ANO2: variants seen among roughly 807,000 people sequenced by gnomAD.
ANO2 encodes anoctamin 2.
Under a neutral mutation model 124.2 loss-of-function variants are expected in ANO2, and 101 were observed. The observed-to-expected ratio is 0.81, with a 90% CI of 0.69 to 0.96. The LOEUF (loss-of-function observed/expected upper bound fraction) is 0.96, where lower values mean the gene tolerates loss of function less well. ANO2 is among the 40% of genes least tolerant of loss of function. The pLI, the probability that ANO2 is intolerant of heterozygous loss-of-function variation, is 0.00. For missense variants in ANO2, 1,293 were observed against 1,274.5 expected, an observed-to-expected ratio of 1.01 and a Z score of -0.22; for synonymous variants, 486 against 482.5, an observed-to-expected ratio of 1.01 and a Z score of -0.09.
intron 3 of ANO2, among the ~76,000 whole-genome samples, chr12:5,892,328 G>C (rs1378558127): frequency 6.6e-6 from 1 of 152,168 alleles, no homozygotes; most frequent in Non-Finnish European, 1.5e-5. Flanking sequence ...TGAAGCTCCA[G>C]AAGGTCAGAA....
chr12:5,895,871 G>A (rs552832576), intron 3 of ANO2, among the ~76,000 whole-genome samples: 2 of 152,130 alleles, frequency 1.3e-5, no homozygotes, highest in East Asian at 3.9e-4. Flanking sequence ...CAACTGCAAA[G>A]ATGGAGCCAA....
chr12:5,606,529 G>A (rs1944229415), intron 19 of ANO2, among the ~76,000 whole-genome samples: 1 of 152,194 alleles, frequency 6.6e-6, no homozygotes, highest in South Asian at 2.1e-4. Context: ...TCCTATTTAT[G>A]GAAACTGATG....
chr12:5,762,817 T>C (rs937744170), intron 10 of ANO2, among the ~76,000 whole-genome samples: 1 of 149,208 alleles, frequency 6.7e-6, no homozygotes, highest in African/African-American at 2.5e-5. Context: ...TCTTGGAGTA[T>C]TGATAAGAGA....
At chr12:5,676,537 A>C (rs1205308153) in intron 14 of ANO2, among the ~76,000 whole-genome samples, 1 of 152,216 alleles carries the variant, frequency 6.6e-6, no homozygotes, top group African/African-American at 2.4e-5. Flanking sequence ...CCAAAATGTT[A>C]ACGGTGGTCA....
intron 3 of ANO2, among the ~76,000 whole-genome samples, chr12:5,872,761 G>A (rs998863999): frequency 2.0e-5 from 3 of 152,074 alleles, no homozygotes; most frequent in Non-Finnish European, 4.4e-5. Context: ...CCACGGTTCC[G>A]GGAGGAGACA....
intron 7 of ANO2, among the ~76,000 whole-genome samples, chr12:5,818,488 T>TGG: frequency 1.9e-5 from 2 of 104,426 alleles, no homozygotes; most frequent in African/African-American, 7.3e-5. Flanking sequence ...TATATATATA[T>TGG]ATATATGGAT....
intron 12 of ANO2, among the ~76,000 whole-genome samples, chr12:5,742,227 A>G (rs1057415810): frequency 6.6e-6 from 1 of 152,134 alleles, no homozygotes; most frequent in Non-Finnish European, 1.5e-5. Context: ...AACCAGGCCC[A>G]CCCAGCACAG....
intron 10 of ANO2, among the ~76,000 whole-genome samples, chr12:5,768,816 C>T (rs1951979015): frequency 1.3e-5 from 2 of 152,318 alleles, no homozygotes; most frequent in Non-Finnish European, 2.9e-5. Flanking sequence ...CCAGCAGACA[C>T]AGTAGCCACT....
chr12:5,622,797 C>T (rs1945180673), intron 16 of ANO2, among the ~76,000 whole-genome samples: 1 of 151,974 alleles, frequency 6.6e-6, no homozygotes, highest in Non-Finnish European at 1.5e-5. Context: ...AACTCTGTCT[C>T]TACTACAAAT....
At chr12:5,794,837 T>A in intron 10 of ANO2, among the ~76,000 whole-genome samples, 1 of 152,138 alleles carries the variant, frequency 6.6e-6, no homozygotes, top group Non-Finnish European at 1.5e-5. Flanking sequence ...CCTTTCTCAA[T>A]CCCAAAGAAA....
At chr12:5,803,333 G>T (rs1460854838) in intron 9 of ANO2, among the ~76,000 whole-genome samples, 2 of 152,200 alleles carry the variant, frequency 1.3e-5, no homozygotes, top group Admixed American at 1.3e-4. Context: ...AAGAAGAAAA[G>T]TGCCTTTCTT....
rs796860779 is a variant in ANO2 at position 5,923,097 on chromosome 12, C to T, written c.23-293G>A. Among the ~76,000 whole-genome samples, 118 of 56,780 alleles carry T rather than the reference C, an allele frequency of 2.1e-3. 15 individuals are homozygous for T. The highest frequency in any genetic ancestry group is 0.012 in the Middle Eastern group (1 of 84). 37.2% of individuals were successfully genotyped at this position (56,780 alleles called of 152,430 possible). ...ATGCACACATACACACACACACGCA[C>T]ACACATACACACACATGCACGCACA... On this transcript the variant is annotated intron_variant, in intron 1 of 24. Coordinates refer to ENST00000682330, the MANE Select transcript of ANO2 (RefSeq NM_001364791.2).
chr12:5,637,339 ATGTG>A (rs10700184), intron 15 of ANO2, among the ~76,000 whole-genome samples: 26,580 of 149,008 alleles, frequency 0.18, 2,615 homozygotes, highest in East Asian at 0.44. Flanking sequence ...GAGTGAGTGA[ATGTG>A]TGTGTGTGTG....
At chr12:5,781,802 T>C (rs1037419894) in intron 10 of ANO2, among the ~76,000 whole-genome samples, 2 of 152,226 alleles carry the variant, frequency 1.3e-5, no homozygotes, top group African/African-American at 4.8e-5. Flanking sequence ...TTAATTCCAC[T>C]GTGGTCTGAG....
chr12:5,923,151 TACACACACGCATACAC>T (rs1941852734), intron 1 of ANO2, among the ~76,000 whole-genome samples: 1 of 45,150 alleles, frequency 2.2e-5, no homozygotes, highest in Non-Finnish European at 4.0e-5. Flanking sequence ...CATGCACACA[TACACACACGCATACAC>T]ACACACGCAC....
rs201586577 is a variant in ANO2, at chr12:5,922,607, G to A, written c.207+13C>T. 238 of 837,574 alleles carry A rather than the reference G, an allele frequency of 2.8e-4. 1 individual carries two copies. The highest frequency in any genetic ancestry group is 6.8e-4 in the South Asian group (46 of 67,278). 51.9% of individuals were successfully genotyped at this position (837,574 alleles called of 1,614,324 possible). On this transcript the variant is annotated intron_variant, in intron 2 of 24. Transcript: ENST00000682330. ...TGGCCTATCCCCCCACCCCACCCCC[G>A]CCCAGTACTCACAGAGCTGCTGCGG... is the stretch of plus-strand genomic sequence containing the variant.
chr12:5,889,165 C>G (rs751253454), intron 3 of ANO2, among the ~76,000 whole-genome samples: 5 of 152,236 alleles, frequency 3.3e-5, no homozygotes, highest in Non-Finnish European at 5.9e-5. Flanking sequence ...CAAGCCCACG[C>G]CCACCCAGAA....
intron 3 of ANO2, among the ~76,000 whole-genome samples, chr12:5,919,464 G>C: frequency 6.8e-6 from 1 of 147,958 alleles, no homozygotes; most frequent in South Asian, 2.2e-4. Context: ...CTGAGGTCAA[G>C]GTGCCCAAAG....
At chr12:5,776,018 G>A (rs1025356247) in intron 10 of ANO2, among the ~76,000 whole-genome samples, 1 of 152,038 alleles carries the variant, frequency 6.6e-6, no homozygotes, top group Non-Finnish European at 1.5e-5. Flanking sequence ...GCCTGCCAAG[G>A]CTATTTACAC....
Sources: gnomAD v4.1 joint callset for allele counts (sites outside exome capture counted in the v4.1 genomes callset) on GRCh38, gnomAD v4.1.1 for gene constraint, MANE v1.5 for transcripts, NCBI Gene and HGNC (gene_info 2026-07-23, HGNC 2026-07-21) for gene names.